The following PTBP3 variants were observed in gnomAD, a reference collection of about 807,000 sequenced individuals.
The protein encoded by PTBP3 is polypyrimidine tract-binding protein 3.
Under a neutral mutation model 58.7 loss-of-function variants are expected in PTBP3, and 20 were observed. The ratio of observed to expected loss-of-function variants is 0.34; its 90% CI spans 0.24 to 0.50. The LOEUF is 0.50. PTBP3 is among the 20% of genes least tolerant of loss of function. PTBP3 has a pLI of 0.98. For synonymous variants in PTBP3, 185 were observed against 219.8 expected, an observed-to-expected ratio of 0.84 and a Z score of 1.40; for missense variants, 509 against 637.2, an observed-to-expected ratio of 0.80 and a Z score of 2.17.
chr9:112,346,136 T>G, the PTBP3 span, among the ~76,000 whole-genome samples: 1 of 148,266 alleles, frequency 6.7e-6, no homozygotes, highest in African/African-American at 2.5e-5. Flanking sequence ...GAGGAGATCT[T>G]GGCAAATATA....
chr9:112,233,761 C>T lies in PTBP3; in HGVS notation c.880+1059G>A, dbSNP rs571684147. 3.1e-4 allele frequency among the ~76,000 whole-genome samples: 47 copies of T among 152,020 alleles called. No individual in the cohort carries two copies. In the East Asian group the frequency reaches 9.1e-3, roughly 29 times the overall value. ...GCCTAGCCAACATGGCGAAACCCCA[C>T]CTCTACTAAAAATACAAAAATTAGC... On this transcript the variant is annotated intron_variant, in intron 8 of 13. Transcript: ENST00000374257.
At chr9:112,337,425 T>C (rs1830585563), upstream of PTBP3, among the ~76,000 whole-genome samples, 2 of 152,160 alleles carry the variant, frequency 1.3e-5, 1 homozygote, top group South Asian at 4.1e-4. Context: ...CAAGAACCAC[T>C]TTGAGAAACC....
chr9:112,304,044 G>GT (rs1353379549), intron 1 of PTBP3, among the ~76,000 whole-genome samples: 1 of 149,844 alleles, frequency 6.7e-6, no homozygotes, highest in Non-Finnish European at 1.5e-5. Flanking sequence ...GTGCATGCCT[G>GT]TAATCTCAGC....
At chr9:112,247,911 C>T (rs915360719) in intron 7 of PTBP3, among the ~76,000 whole-genome samples, 11 of 151,910 alleles carry the variant, frequency 7.2e-5, no homozygotes, top group Non-Finnish European at 1.2e-4. Context: ...CATGCATACA[C>T]AAATATAGGT....
rs1047212998 is a variant in PTBP3, at chr9:112,246,751, A to G, written c.802+4178T>C. ...GAAAAGTGGTAAGAACAGGGTATTT[A>G]TCATCTCAATCAGTAAATTCGTTAC... On this transcript the variant is annotated intron_variant, in intron 7 of 13. Transcript: ENST00000374257. 2.0e-5 allele frequency among the ~76,000 whole-genome samples: 3 copies of G among 151,984 alleles called. No homozygotes were observed. The East Asian group carries it at 5.8e-4, about 29-fold the overall frequency.
chr9:112,367,292 T>C, the PTBP3 span, among the ~76,000 whole-genome samples: 3 of 152,362 alleles, frequency 2.0e-5, no homozygotes, highest in Middle Eastern at 6.8e-3. Context: ...TGACTATTTT[T>C]ACCCTTACAG....
intron 7 of PTBP3, among the ~76,000 whole-genome samples, chr9:112,236,029 A>G (rs1835425705): frequency 6.6e-6 from 1 of 152,144 alleles, no homozygotes; most frequent in African/African-American, 2.4e-5. Context: ...TGCAAACCTC[A>G]AAGGGGGGAG....
At chr9:112,335,792 G>A (rs1830572928), upstream of PTBP3, among the ~76,000 whole-genome samples, 1 of 147,566 alleles carries the variant, frequency 6.8e-6, no homozygotes, top group Non-Finnish European at 1.5e-5. Context: ...TGGCTTGGTG[G>A]TGCACGCCTG....
the PTBP3 span, among the ~76,000 whole-genome samples, chr9:112,373,841 AAAG>A: frequency 2.0e-5 from 3 of 152,262 alleles, no homozygotes; most frequent in African/African-American, 4.8e-5. Flanking sequence ...GTTTTTAACA[AAAG>A]AAGGAAATAC....
At chr9:112,339,919 C>G in the PTBP3 span, among the ~76,000 whole-genome samples, 1 of 152,060 alleles carries the variant, frequency 6.6e-6, no homozygotes, top group Non-Finnish European at 1.5e-5. Flanking sequence ...ATAACCATGA[C>G]ACTAAATGTT....
At chr9:112,224,956 ATGACCACATCCT>A (rs1446388458) in intron 12 of PTBP3, among the ~76,000 whole-genome samples, 1 of 152,204 alleles carries the variant, frequency 6.6e-6, no homozygotes, top group Non-Finnish European at 1.5e-5. Context: ...AAACCTTCAG[ATGACCACATCCT>A]TGCCTTGCAT....
intron 1 of PTBP3, among the ~76,000 whole-genome samples, chr9:112,313,406 T>C (rs1829567539): frequency 6.6e-6 from 1 of 152,230 alleles, no homozygotes; most frequent in Admixed American, 6.5e-5. Context: ...TCAATATTTA[T>C]TCACCATTGT....
the PTBP3 span, among the ~76,000 whole-genome samples, chr9:112,371,717 T>C: frequency 3.3e-5 from 5 of 150,854 alleles, no homozygotes; most frequent in South Asian, 1.0e-3. Flanking sequence ...TACACCTTTA[T>C]TTCTTAGTTC....
rs879196263 is a variant in PTBP3, at chr9:112,231,981, G to A, written c.1020+118C>T. ...AGAGAAGAGAAGAGAGAAGAGAAGA[G>A]AAGAGAAGAGAAGAGAAGAGAAGAG... On this transcript the variant is annotated intron_variant, in intron 9 of 13. Transcript: ENST00000374257. 4.7e-3 allele frequency: 1,708 copies of A among 361,716 alleles called. 4 individuals carry two copies. Among genetic ancestry groups the A allele is most frequent in the African/African-American group, 0.036 (506 of 14,072 alleles). 22.4% of individuals were successfully genotyped at this position (361,716 alleles called of 1,614,324 possible).
intron 1 of PTBP3, among the ~76,000 whole-genome samples, chr9:112,320,257 A>G (rs1829861949): frequency 7.3e-6 from 1 of 137,198 alleles, no homozygotes; most frequent in African/African-American, 2.8e-5. Context: ...CAGCCTGGGC[A>G]ACAGGACGAG....
chr9:112,276,054 T>C (rs1827597436), intron 2 of PTBP3, 41 bp from the exon 3 acceptor site: 19 of 1,558,518 alleles, frequency 1.2e-5, no homozygotes, highest in Non-Finnish European at 1.7e-5. Context: ...CTGCAACTAA[T>C]TTGGGTTGAC....
chr9:112,299,717 T>C (rs1008042101), intron 1 of PTBP3, among the ~76,000 whole-genome samples: 3 of 152,218 alleles, frequency 2.0e-5, no homozygotes, highest in Admixed American at 2.0e-4. Flanking sequence ...TATAACTCCC[T>C]CCCCCCATTG....
At chr9:112,245,602 A>G (rs1835845054) in intron 7 of PTBP3, among the ~76,000 whole-genome samples, 1 of 152,204 alleles carries the variant, frequency 6.6e-6, no homozygotes, top group African/African-American at 2.4e-5. Context: ...CAATGAGCAC[A>G]TCTAATGTTT....
At chr9:112,276,079 A>G (rs1344376737) in intron 2 of PTBP3, 66 bp from the exon 3 acceptor site, 6 of 1,398,204 alleles carry the variant, frequency 4.3e-6, no homozygotes, top group South Asian at 1.2e-5. Context: ...TACATTAATC[A>G]TATTGTCACA....
Sources: gnomAD v4.1 joint callset for allele counts (sites outside exome capture counted in the v4.1 genomes callset) on GRCh38, gnomAD v4.1.1 for gene constraint, MANE v1.5 for transcripts, NCBI Gene and HGNC (gene_info 2026-07-23, HGNC 2026-07-21) for gene names.